DNAH3: variants seen among roughly 807,000 people sequenced by gnomAD.
DNAH3 encodes axonemal beta dynein heavy chain 3.
In DNAH3, 332 loss-of-function variants were observed where a neutral mutation model predicts 432.5. The observed-to-expected ratio is 0.77, with a 90% CI of 0.70 to 0.84. The LOEUF (loss-of-function observed/expected upper bound fraction) is 0.84. DNAH3 is among the 40% of genes least tolerant of loss of function. The probability of loss-of-function intolerance (pLI) is 0.00; values close to 1 mark genes in which losing one functional copy is unlikely to be tolerated. For synonymous variants in DNAH3, 1,956 were observed against 1,900.2 expected (o/e 1.03, Z -0.76); for missense variants, 4,861 against 5,114.0 (o/e 0.95, Z 1.51).
chr16:21,125,226 C>G, exon 9 of DNAH3: 1 of 1,613,082 alleles, frequency 6.2e-7, no homozygotes, highest in South Asian at 1.1e-5. Context: ...TAATGACCAG[C>G]TCCCTAAGCT....
intron 56 of DNAH3, among the ~76,000 whole-genome samples, chr16:20,950,690 G>A (rs2084271850): frequency 6.6e-6 from 1 of 152,158 alleles, no homozygotes; most frequent in Non-Finnish European, 1.5e-5. Flanking sequence ...TGATGCCCCG[G>A]TGTTTTAATT....
chr16:21,137,714 C>T lies in DNAH3; in HGVS notation c.697-1201G>A, dbSNP rs375839537. ...CTGGAATTATAGGCATGAGCCACCA[C>T]ACCCAGCTGATAGTTCTTCTTACCC... On this transcript the variant is annotated intron_variant, in intron 5 of 61. Transcript: ENST00000261383. Among the ~76,000 whole-genome samples, 58 of 152,188 alleles carry T rather than the reference C, an allele frequency of 3.8e-4. 1 individual carries two copies. The East Asian group carries it at 5.4e-3, about 14-fold the overall frequency.
intron 40 of DNAH3, among the ~76,000 whole-genome samples, chr16:21,021,730 C>T (rs561125670): frequency 5.9e-5 from 9 of 151,784 alleles, no homozygotes; most frequent in Admixed American, 3.3e-4. Context: ...GTCAACATGG[C>T]GAAACCCCAT....
chr16:21,133,659 G>A (rs2092601743), intron 7 of DNAH3, among the ~76,000 whole-genome samples: 1 of 150,850 alleles, frequency 6.6e-6, no homozygotes, highest in Non-Finnish European at 1.5e-5. Context: ...AGAATCGCTT[G>A]AACCCGGGAG....
At chr16:21,153,614 C>T (rs1016783904) in intron 1 of DNAH3, among the ~76,000 whole-genome samples, 4 of 152,284 alleles carry the variant, frequency 2.6e-5, no homozygotes, top group Admixed American at 6.5e-5. Flanking sequence ...GTTCATGCCG[C>T]CTTAATAGCT....
intron 25 of DNAH3, 25 bp downstream of exon 25, chr16:21,062,457 A>T (rs1791484114): frequency 6.2e-7 from 1 of 1,608,160 alleles, no homozygotes; most frequent in African/African-American, 1.3e-5. Context: ...GGAGAAAAGA[A>T]CCAAAAATGG....
exon 53 of DNAH3, chr16:20,963,618 C>T: frequency 1.2e-6 from 2 of 1,614,066 alleles, no homozygotes; most frequent in Non-Finnish European, 1.7e-6. Context: ...CACGGACAAT[C>T]TCTGCCCATG....
intron 4 of DNAH3, 150 bp downstream of exon 5, chr16:21,141,149 AT>A (rs58634654): frequency 1.9e-3 from 1,078 of 555,522 alleles, no homozygotes; most frequent in Admixed American, 2.3e-3. Context: ...AAAAAAAAAA[AT>A]TTTTTTTTTG....
chr16:21,093,225 G>A (rs944816703), intron 18 of DNAH3, among the ~76,000 whole-genome samples: 21 of 152,284 alleles, frequency 1.4e-4, no homozygotes, highest in African/African-American at 1.9e-4. Context: ...CAGTTTGGCC[G>A]TTTCTTACAA....
chr16:21,000,802 T>C (rs963988010), intron 42 of DNAH3, among the ~76,000 whole-genome samples: 14 of 152,212 alleles, frequency 9.2e-5, no homozygotes, highest in African/African-American at 3.4e-4. Context: ...TCGAGAGCCT[T>C]TCTGCAACCT....
At chr16:20,967,067 C>T (rs2085097532) in intron 52 of DNAH3, among the ~76,000 whole-genome samples, 1 of 151,932 alleles carries the variant, frequency 6.6e-6, no homozygotes, top group Admixed American at 6.6e-5. Context: ...AAAAGTTATA[C>T]TCTGAGACAT....
At chr16:21,022,298 G>T (rs2088279396) in intron 39 of DNAH3, among the ~76,000 whole-genome samples, 198 bp from the exon 40 acceptor site, 1 of 152,190 alleles carries the variant, frequency 6.6e-6, no homozygotes, top group African/African-American at 2.4e-5. Flanking sequence ...GTTGCCCACA[G>T]GCCATGTTAA....
intron 50 of DNAH3, among the ~76,000 whole-genome samples, chr16:20,975,796 G>A (rs2085561636): frequency 6.6e-6 from 1 of 152,200 alleles, no homozygotes; most frequent in Admixed American, 6.5e-5. Context: ...CCAGGCTGGA[G>A]TGCAGTGGCA....
chr16:20,976,843 C>T (rs1004122423), intron 50 of DNAH3, among the ~76,000 whole-genome samples: 1 of 152,184 alleles, frequency 6.6e-6, no homozygotes, highest in African/African-American at 2.4e-5. Flanking sequence ...CCCCACCAGA[C>T]AGTGGATCTG....
At chr16:21,145,103 C>A in intron 3 of DNAH3, 78 bp downstream of exon 4, 1 of 1,265,434 alleles carries the variant, frequency 7.9e-7, no homozygotes, top group Non-Finnish European at 1.1e-6. Flanking sequence ...CAGAGTGAGA[C>A]TCCATCTAAA....
exon 53 of DNAH3, chr16:20,963,335 A>C (rs1211178092): frequency 6.2e-7 from 1 of 1,614,162 alleles, no homozygotes; most frequent in Non-Finnish European, 8.5e-7. Flanking sequence ...GGCGCACAGC[A>C]GCTGGAATCA....
At chr16:21,010,266 AGAG>A (rs1299508425) in intron 41 of DNAH3, among the ~76,000 whole-genome samples, 1 of 152,164 alleles carries the variant, frequency 6.6e-6, no homozygotes, top group Admixed American at 6.5e-5. Context: ...GAGAGTAGAA[AGAG>A]GAGAATAGCA....
rs146173789 is a variant in DNAH3, at chr16:21,031,125, G to A, written c.5359C>T (p.Arg1787Cys). The change falls in exon 37 of 62, where the codon CGC (arginine) becomes TGC (cysteine). Residue 1787 changes from arginine to cysteine, a missense_variant. Coordinates refer to ENST00000261383, the Ensembl canonical transcript of DNAH3. Reference sequence around the variant, plus strand: ...GGCCCATCAAATATAATCCACTTGCGATCATCAGAGAGTGAAGACGCTTGC... The same window carrying A: ...GGCCCATCAAATATAATCCACTTGCAATCATCAGAGAGTGAAGACGCTTGC... 125 of 1,613,904 alleles carry A rather than the reference G, an allele frequency of 7.7e-5. No individual in the cohort carries two copies. Among genetic ancestry groups the A allele is most frequent in the Non-Finnish European group, 9.7e-5 (115 of 1,180,014 alleles).
intron 20 of DNAH3, among the ~76,000 whole-genome samples, chr16:21,081,045 G>A (rs2091167033): frequency 6.6e-6 from 1 of 152,060 alleles, no homozygotes; most frequent in African/African-American, 2.4e-5. Context: ...AGCTTCCTGA[G>A]TAGCTGGGAC....
Sources: gnomAD v4.1 joint callset for allele counts (sites outside exome capture counted in the v4.1 genomes callset) on GRCh38, gnomAD v4.1.1 for gene constraint, MANE v1.5 for transcripts, NCBI Gene and HGNC (gene_info 2026-07-23, HGNC 2026-07-21) for gene names.